Variants in WDR27 observed in about 807,000 individuals in gnomAD.
The protein encoded by WDR27 is WD repeat-containing protein 27.
Under a neutral mutation model 114.4 loss-of-function variants are expected in WDR27, and 100 were observed. The ratio of observed to expected loss-of-function variants is 0.87; its 90% CI spans 0.74 to 1.03. WDR27 has a LOEUF of 1.03. WDR27 is among the 50% of genes least tolerant of loss of function. The pLI is 0.00. For missense variants in WDR27, 1,129 were observed against 1,092.9 expected (o/e 1.03, Z -0.47); for synonymous variants, 449 against 423.1 (o/e 1.06, Z -0.75).
chr6:169,634,403 T>C (rs1817173405), intron 20 of WDR27, 25 bp downstream of exon 20: 2 of 1,573,920 alleles, frequency 1.3e-6, no homozygotes, highest in South Asian at 2.3e-5. Flanking sequence ...CGTAAAACCC[T>C]ACCAGGATCC....
At chr6:169,549,894 T>C (rs1797880880) in intron 25 of WDR27, among the ~76,000 whole-genome samples, 1 of 152,108 alleles carries the variant, frequency 6.6e-6, no homozygotes. Flanking sequence ...AATAGGCAGA[T>C]TCTTAAGGCA....
intron 25 of WDR27, among the ~76,000 whole-genome samples, chr6:169,560,653 C>T (rs948668464): frequency 1.3e-5 from 2 of 152,228 alleles, no homozygotes; most frequent in Non-Finnish European, 2.9e-5. Flanking sequence ...CACTTTACCC[C>T]ATCATCCTCA....
chr6:169,451,382 G>A, the WDR27 span, among the ~76,000 whole-genome samples: 2 of 152,096 alleles, frequency 1.3e-5, no homozygotes, highest in Admixed American at 6.5e-5. Context: ...ATAAAACCAA[G>A]CTGTTCCCCG....
At chr6:169,664,003 T>C (rs1394459338) in intron 8 of WDR27, among the ~76,000 whole-genome samples, 163 bp downstream of exon 8, 1 of 152,104 alleles carries the variant, frequency 6.6e-6, no homozygotes, top group Non-Finnish European at 1.5e-5. Flanking sequence ...GGCCCACCCC[T>C]CACATGACCT....
chr6:169,601,231 G>C (rs1807918364), intron 23 of WDR27, among the ~76,000 whole-genome samples: 1 of 152,294 alleles, frequency 6.6e-6, no homozygotes, highest in Admixed American at 6.5e-5. Context: ...AAGTGAAGGA[G>C]AAATAAAATC....
At chr6:169,482,472 A>G (rs1788307134) in intron 25 of WDR27, among the ~76,000 whole-genome samples, 1 of 152,160 alleles carries the variant, frequency 6.6e-6, no homozygotes, top group Non-Finnish European at 1.5e-5. Context: ...CTGGTATGAG[A>G]TGGTATCTCA....
chr6:169,641,866 G>A (rs1236191930), intron 17 of WDR27, among the ~76,000 whole-genome samples: 1 of 152,258 alleles, frequency 6.6e-6, no homozygotes, highest in Non-Finnish European at 1.5e-5. Flanking sequence ...GCTCTCCCGC[G>A]CAGCGCGCTC....
At chr6:169,566,648 T>C (rs1235181795) in intron 25 of WDR27, among the ~76,000 whole-genome samples, 1 of 141,986 alleles carries the variant, frequency 7.0e-6, no homozygotes, top group Non-Finnish European at 1.5e-5. Flanking sequence ...TCGGGGCCTG[T>C]TGGAGTTGAG....
intron 24 of WDR27, 105 bp downstream of exon 24, chr6:169,582,731 C>T (rs561077208): frequency 2.4e-6 from 2 of 837,580 alleles, no homozygotes; most frequent in East Asian, 5.5e-5. Context: ...GGCATGTAAC[C>T]TTAAGTATTA....
rs1332093533 is a variant in WDR27, at chr6:169,535,935, T to G, written c.2645+36484A>C. Among the ~76,000 whole-genome samples the G allele has an allele frequency of 2.0e-5, 3 of 152,338 alleles. No individual in the cohort carries two copies. In the South Asian group the frequency reaches 6.2e-4, roughly 32 times the overall value. On this transcript the variant is annotated intron_variant, in intron 25 of 25. Transcript: ENST00000448612. ...GGCCAATCCACTGTTCCAGACTTTG[T>G]CTCCATTAAATCCAATACTGTTCCC...
intron 25 of WDR27, among the ~76,000 whole-genome samples, chr6:169,481,496 T>C (rs1031901796): frequency 3.5e-4 from 53 of 152,306 alleles, no homozygotes; most frequent in African/African-American, 1.2e-3. Context: ...CTCTTCGCAA[T>C]AAATCTTGCT....
chr6:169,455,459 A>G (rs533391459), downstream of WDR27, among the ~76,000 whole-genome samples: 7 of 152,354 alleles, frequency 4.6e-5, no homozygotes, highest in African/African-American at 1.7e-4. Context: ...GTTACAACAC[A>G]CTGTTCACTA....
At chr6:169,476,813 T>C (rs908861128) in intron 25 of WDR27, among the ~76,000 whole-genome samples, 3 of 152,222 alleles carry the variant, frequency 2.0e-5, no homozygotes, top group African/African-American at 7.2e-5. Flanking sequence ...TGTTGAATTA[T>C]GTTAGTTATA....
chr6:169,479,584 G>A (rs1324701291), intron 25 of WDR27, among the ~76,000 whole-genome samples: 2 of 152,122 alleles, frequency 1.3e-5, no homozygotes, highest in Non-Finnish European at 2.9e-5. Flanking sequence ...ATATAAAAAT[G>A]AATGAAACAA....
intron 17 of WDR27, among the ~76,000 whole-genome samples, chr6:169,639,183 G>A (rs986907222): frequency 7.2e-6 from 1 of 138,774 alleles, no homozygotes; most frequent in Non-Finnish European, 1.5e-5. Flanking sequence ...TGGGTACTGT[G>A]TGGAGCGTGT....
chr6:169,634,499 A>T lies in WDR27; in HGVS notation c.2030T>A (p.Leu677Gln). The change falls in exon 20 of 26, where the codon CTG (leucine) becomes CAG (glutamine). Residue 677 changes from leucine (L) to glutamine (Q), a missense_variant. Transcript: ENST00000448612. ...KRYKQKSKSK[L>Q]ICRLSTTGAV... ...ACCCGTCGTGGAGAGCCTGCAAATC[A>T]GCTTGGACTTGCTCTTCTGTTTATA... 6.2e-7 allele frequency: 1 copy of T among 1,612,668 alleles called. No homozygotes were observed. The highest frequency in any genetic ancestry group is 8.5e-7 in the Non-Finnish European group (1 of 1,179,390).
chr6:169,450,390 G>C, the WDR27 span, among the ~76,000 whole-genome samples: 1 of 152,230 alleles, frequency 6.6e-6, no homozygotes, highest in South Asian at 2.1e-4. Context: ...CTCAGTGGCT[G>C]CTCTAAAGAT....
At chr6:169,518,682 C>T (rs1488574942) in intron 25 of WDR27, among the ~76,000 whole-genome samples, 1 of 152,208 alleles carries the variant, frequency 6.6e-6, no homozygotes, top group East Asian at 1.9e-4. Context: ...AGGCCTTTTT[C>T]CCATTGTCTT....
chr6:169,661,776 G>A (rs566191494), intron 9 of WDR27, among the ~76,000 whole-genome samples: 41 of 152,322 alleles, frequency 2.7e-4, no homozygotes, highest in African/African-American at 6.5e-4. Context: ...GACAAGCAAC[G>A]GCCAAGGCCA....
Sources: allele counts gnomAD v4.1 joint callset (sites outside exome capture counted in the v4.1 genomes callset), GRCh38; gene constraint gnomAD v4.1.1; transcripts MANE v1.5; gene names NCBI Gene and HGNC (gene_info 2026-07-23, HGNC 2026-07-21).